OXSM: variants seen among roughly 807,000 people sequenced by gnomAD.
OXSM encodes the protein 3-oxoacyl-ACP synthase, mitochondrial.
OXSM carries 19 observed loss-of-function variants against 29.2 expected under a neutral mutation model. That is an observed-to-expected ratio of 0.65 (90% CI 0.45 to 0.96). The LOEUF (loss-of-function observed/expected upper bound fraction) is 0.96, where lower values mean the gene tolerates loss of function less well. Among genes scored for constraint, OXSM ranks in the 40% least tolerant of loss-of-function variants. The pLI is 0.00. For synonymous variants in OXSM, 178 were observed against 197.1 expected, an observed-to-expected ratio of 0.90 and a Z score of 0.81; for missense variants, 554 against 551.3, an observed-to-expected ratio of 1.00 and a Z score of -0.05.
rs1559567960 is a variant in OXSM, at chr3:25,791,195, A to T, written c.175A>T (p.Thr59Ser). The T allele has an allele frequency of 6.2e-7, 1 of 1,614,014 alleles. No individual in the cohort carries two copies. Among genetic ancestry groups the T allele is most frequent in the Non-Finnish European group, 8.5e-7 (1 of 1,179,994 alleles). ...IGLVTPLGVG[T>S]HLVWDRLIGG... is the part of the protein sequence containing the mutation. ...CTTAGTGACTCCTCTTGGTGTTGGAACTCACCTGGTTTGGGATCGTCTTAT... is the reference window on the plus strand; with the variant it reads ...CTTAGTGACTCCTCTTGGTGTTGGATCTCACCTGGTTTGGGATCGTCTTAT... Residue 59 changes from threonine (T) to serine (S), a missense_variant, in exon 2 of 3, where the codon ACT (threonine) becomes TCT (serine). Thr to Ser is a moderately conservative substitution (Grantham distance 58, BLOSUM62 1). Coordinates refer to ENST00000280701, the MANE Select transcript of OXSM (RefSeq NM_017897.3).
intron 1 of OXSM, 50 bp from the exon 2 acceptor site, chr3:25,790,940 C>T: frequency 7.1e-7 from 1 of 1,399,160 alleles, no homozygotes; most frequent in South Asian, 1.4e-5. Context: ...TCCTTAGGCC[C>T]TTAAGCTATT....
intron 2 of OXSM, among the ~76,000 whole-genome samples, chr3:25,792,959 T>A (rs1254161905): frequency 6.6e-6 from 1 of 152,176 alleles, no homozygotes; most frequent in Admixed American, 6.5e-5. Flanking sequence ...TGGAGTCTGT[T>A]GCAACTAATC....
intron 2 of OXSM, among the ~76,000 whole-genome samples, chr3:25,793,650 G>T (rs1708813469): frequency 6.6e-6 from 1 of 152,030 alleles, no homozygotes; most frequent in African/African-American, 2.4e-5. Flanking sequence ...TAGATTATTG[G>T]GAAGTATGCC....
intron 1 of OXSM, 200 bp from the exon 2 acceptor site, chr3:25,790,790 G>A (rs1239496742): frequency 2.2e-6 from 1 of 451,714 alleles, no homozygotes; most frequent in Non-Finnish European, 3.9e-6. Flanking sequence ...TCAAATGTCT[G>A]ACGGCACTTA....
rs771715187 is a variant in OXSM at position 25,794,290 on chromosome 3, A to C, written c.1176A>C (p.Ala392=). ...GACATCTGCTGGGAGCTGCAGGGGC[A>C]GTCGAGGCAGCTTTTACCACATTAG... ...ATGHLLGAAG[A]VEAAFTTLAC... The change falls in exon 3 of 3, where the codon GCA becomes GCC. Residue 392 remains alanine (A), a synonymous_variant. Transcript: ENST00000280701. 9 of 1,614,094 alleles carry C rather than the reference A, an allele frequency of 5.6e-6. No individual in the cohort carries two copies. The highest frequency in any genetic ancestry group is 7.6e-6 in the Non-Finnish European group (9 of 1,180,020).
In OXSM at chr3:25,791,897, C is replaced by G; in HGVS notation, c.877C>G (p.Gln293Glu). ...LVLEEYEHAVQRRARIYAEVL... is the reference protein window; with the variant it reads ...LVLEEYEHAVERRARIYAEVL... ...GCTGGAAGAATATGAACATGCTGTT[C>G]AAAGAAGAGCCCGGATCTATGCAGA... Residue 293 changes from glutamine (Q) to glutamate (E), a missense_variant, in exon 2 of 3, where the codon CAA becomes GAA. Physicochemically the swap from Gln to Glu is conservative, Grantham distance 29. Coordinates refer to ENST00000280701, the MANE Select transcript of OXSM (RefSeq NM_017897.3). The G allele has an allele frequency of 6.2e-7, 1 of 1,608,096 alleles. No individual in the cohort carries two copies. Among genetic ancestry groups the G allele is most frequent in the South Asian group, 1.1e-5 (1 of 91,058 alleles).
At position 25,791,780 on chromosome 3, in the gene OXSM, C is replaced by T; in HGVS notation, c.760C>T (p.Leu254=). 6.2e-7 allele frequency: 1 copy of T among 1,614,088 alleles called. No individual in the cohort carries two copies. Among genetic ancestry groups the T allele is most frequent in the East Asian group, 2.2e-5 (1 of 44,860 alleles). ...SLAGFSRARA[L]STNSDPKLAC... ...TGCTGGGTTTTCCAGAGCCCGGGCT[C>T]TGAGCACAAACTCAGATCCCAAGTT... The change falls in exon 2 of 3, where the codon CTG becomes TTG. Residue 254 remains leucine (L), a synonymous_variant. Transcript: ENST00000280701.
In OXSM at chr3:25,790,973, G is replaced by T; in HGVS notation, c.-31-17G>T. ...ATTTAAAAGAATACCTCCTAGGTGT[G>T]TTGTGGTCTTTTACAGGAATGTGTT... On this transcript the variant is annotated splice_polypyrimidine_tract_variant and intron_variant, in intron 1 of 2. Coordinates refer to ENST00000280701, the MANE Select transcript of OXSM (RefSeq NM_017897.3). 6.4e-7 allele frequency: 1 copy of T among 1,568,022 alleles called. No homozygotes were observed. Among genetic ancestry groups the T allele is most frequent in the African/African-American group, 1.4e-5 (1 of 73,944 alleles).
At chr3:25,794,028 A>G (rs1263606909) in intron 2 of OXSM, 64 bp from the exon 3 acceptor site, 1 of 1,420,350 alleles carries the variant, frequency 7.0e-7, no homozygotes, top group African/African-American at 1.4e-5. Flanking sequence ...TAAGCCATAC[A>G]GATAAAGAGA....
rs991643446 is a variant in OXSM, at chr3:25,793,617, G to T, written c.978-475G>T. 3.3e-5 allele frequency among the ~76,000 whole-genome samples: 5 copies of T among 152,276 alleles called. No homozygotes were observed. The South Asian group carries it at 1.0e-3, about 32-fold the overall frequency. ...AGCCTAAATAAAGAGGATTTTGAAA[G>T]ATTATTTGAAACAATGAAACAGTAG... On this transcript the variant is annotated intron_variant, in intron 2 of 2. Transcript: ENST00000280701.
At position 25,794,263 on chromosome 3, in the gene OXSM, A is replaced by G; in HGVS notation, c.1149A>G (p.Thr383=). The change falls in exon 3 of 3, where the codon ACA becomes ACG. Residue 383 remains threonine, a synonymous_variant. Transcript: ENST00000280701. ...CAGTTTCCTCAACTAAGGGAGCAAC[A>G]GGACATCTGCTGGGAGCTGCAGGGG... The part of the protein sequence containing the change: ...ALAVSSTKGA[T]GHLLGAAGAV... 1 of 1,614,258 alleles carries G rather than the reference A, an allele frequency of 6.2e-7. No homozygotes were observed. The highest frequency in any genetic ancestry group is 8.5e-7 in the Non-Finnish European group (1 of 1,180,034).
At chr3:25,792,762 T>C (rs1708789084) in intron 2 of OXSM, among the ~76,000 whole-genome samples, 1 of 152,198 alleles carries the variant, frequency 6.6e-6, no homozygotes, top group Non-Finnish European at 1.5e-5. Flanking sequence ...TTAAGTTAAC[T>C]GTTATAGATT....
Position 25,791,582 on chromosome 3 carries a change from G to T in OXSM, c.562G>T (p.Ala188Ser), listed in dbSNP as rs1388690580. The T allele has an allele frequency of 6.2e-7, 1 of 1,614,164 alleles. No homozygotes were observed. Among genetic ancestry groups the T allele is most frequent in the Non-Finnish European group, 8.5e-7 (1 of 1,180,014 alleles). ...TGTCCCTAAGATTCTGGTCAATATG[G>T]CAGCAGGCCAGGTCAGCATTCGATA... is the stretch of plus-strand genomic sequence containing the variant. ...FFVPKILVNM[A>S]AGQVSIRYKL... The change falls in exon 2 of 3, where the codon GCA becomes TCA. Residue 188 changes from alanine (A) to serine (S), a missense_variant. Physicochemically the swap from Ala to Ser is moderately conservative, Grantham distance 99. Transcript: ENST00000280701.
chr3:25,790,240 C>A (rs1391194190), intron 1 of OXSM, 93 bp downstream of exon 1: 1 of 389,080 alleles, frequency 2.6e-6, no homozygotes, highest in African/African-American at 2.0e-5. Context: ...GTCCGAGGAC[C>A]TGGGGCCTGA....
chr3:25,792,263 C>T (rs1708775336), intron 2 of OXSM, among the ~76,000 whole-genome samples: 1 of 152,296 alleles, frequency 6.6e-6, no homozygotes, highest in East Asian at 1.9e-4. Flanking sequence ...ACTTTTCACG[C>T]CTGCATTTGT....
rs757383964 is a variant in OXSM, at chr3:25,791,341, G to T, written c.321G>T (p.Val107=). 4.3e-6 allele frequency: 7 copies of T among 1,614,152 alleles called. No homozygotes were observed. The East Asian group carries it at 1.3e-4, about 31-fold the overall frequency. The change falls in exon 2 of 3, where the codon GTG becomes GTT. Residue 107 remains valine, a synonymous_variant. Transcript: ENST00000280701. ...DEGQFNEQNF[V]SKSDIKSMSS... is the part of the protein sequence containing the mutation. ...GTCAGTTCAATGAACAAAACTTTGTGTCCAAATCAGATATCAAGTCCATGT... is the reference window on the plus strand; with the variant it reads ...GTCAGTTCAATGAACAAAACTTTGTTTCCAAATCAGATATCAAGTCCATGT...
Position 25,794,163 on chromosome 3 carries a change from C to G in OXSM, c.1049C>G (p.Thr350Ser), listed in dbSNP as rs1482720685. The change falls in exon 3 of 3, where the codon ACT (threonine) becomes AGT (serine). Residue 350 changes from threonine to serine, a missense_variant. Transcript: ENST00000280701. ...ATATCCTATATCAATGCACATGCTACTTCCACACCATTGGGAGATGCTGCT... is the reference window on the plus strand; with the variant it reads ...ATATCCTATATCAATGCACATGCTAGTTCCACACCATTGGGAGATGCTGCT... ...EEISYINAHATSTPLGDAAEN... is the reference protein window; with the variant it reads ...EEISYINAHASSTPLGDAAEN... The G allele has an allele frequency of 1.9e-5, 31 of 1,614,084 alleles. No individual in the cohort carries two copies. The highest frequency in any genetic ancestry group is 2.6e-5 in the Non-Finnish European group (31 of 1,180,004).
At chr3:25,792,455 C>T (rs559664827) in intron 2 of OXSM, among the ~76,000 whole-genome samples, 23 of 152,244 alleles carry the variant, frequency 1.5e-4, no homozygotes, top group African/African-American at 5.5e-4. Context: ...AATGCTAATT[C>T]TGATTCTGTA....
chr3:25,790,948 A>G, intron 1 of OXSM, 42 bp from the exon 2 acceptor site: 17 of 1,449,408 alleles, frequency 1.2e-5, no homozygotes, highest in Middle Eastern at 2.3e-4. Context: ...CCCTTAAGCT[A>G]TTTAAAAGAA....
Sources: gnomAD v4.1 joint callset for allele counts (sites outside exome capture counted in the v4.1 genomes callset) on GRCh38, gnomAD v4.1.1 for gene constraint, MANE v1.5 for transcripts, NCBI Gene and HGNC (gene_info 2026-07-23, HGNC 2026-07-21) for gene names.